The following ASCC3 variants were observed in gnomAD, a reference collection of about 807,000 sequenced individuals.
ASCC3 encodes the protein ASC-1 complex subunit P200.
A neutral mutation model predicts 256.3 loss-of-function variants in ASCC3; 158 were observed. The ratio of observed to expected loss-of-function variants is 0.62; its 90% confidence interval spans 0.54 to 0.70. The LOEUF (loss-of-function observed/expected upper bound fraction) is 0.70. Among genes scored for constraint, ASCC3 ranks in the 30% least tolerant of loss-of-function variants. ASCC3 has a pLI of 0.00. For synonymous variants in ASCC3, 948 were observed against 883.4 expected, an observed-to-expected ratio of 1.07 and a Z score of -1.30; for missense variants, 2,259 against 2,626.0, an observed-to-expected ratio of 0.86 and a Z score of 3.05.
chr6:100,568,547 GT>G (rs1025091729), intron 36 of ASCC3, among the ~76,000 whole-genome samples: 13 of 150,582 alleles, frequency 8.6e-5, no homozygotes, highest in Non-Finnish European at 8.9e-5. Flanking sequence ...GAGTTATTTC[GT>G]TTTTTTTGCT....
intron 8 of ASCC3, among the ~76,000 whole-genome samples, chr6:100,798,243 G>C (rs1205690460): frequency 1.3e-5 from 2 of 151,936 alleles, no homozygotes; most frequent in Admixed American, 1.3e-4. Flanking sequence ...GTGAATCCAA[G>C]CAAAGGATAT....
At chr6:100,584,501 C>G (rs1195637761) in intron 36 of ASCC3, among the ~76,000 whole-genome samples, 1 of 152,096 alleles carries the variant, frequency 6.6e-6, no homozygotes, top group Non-Finnish European at 1.5e-5. Context: ...AGATGGGTTT[C>G]CTGAACACAG....
intron 10 of ASCC3, among the ~76,000 whole-genome samples, chr6:100,758,032 T>C (rs1269217892): frequency 1.3e-5 from 2 of 152,046 alleles, no homozygotes; most frequent in African/African-American, 2.4e-5. Context: ...TGGGAACATG[T>C]GTAAAAAGAG....
chr6:100,822,246 A>C (rs75999472), intron 4 of ASCC3, among the ~76,000 whole-genome samples: 1 of 152,194 alleles, frequency 6.6e-6, no homozygotes, highest in East Asian at 1.9e-4. Flanking sequence ...TGTAACAAAC[A>C]AACAAAAATG....
At chr6:100,599,182 G>A (rs1174996076) in intron 34 of ASCC3, among the ~76,000 whole-genome samples, 2 of 152,110 alleles carry the variant, frequency 1.3e-5, no homozygotes, top group Non-Finnish European at 2.9e-5. Context: ...TCACATACAA[G>A]GTGATATTTT....
At chr6:100,554,001 T>C (rs1273403899) in intron 36 of ASCC3, among the ~76,000 whole-genome samples, 1 of 152,166 alleles carries the variant, frequency 6.6e-6, no homozygotes, top group Non-Finnish European at 1.5e-5. Flanking sequence ...TATGGCAAAA[T>C]CTGTACAGCT....
chr6:100,706,062 T>G (rs79595309), intron 13 of ASCC3, among the ~76,000 whole-genome samples: 2,211 of 151,912 alleles, frequency 0.015, 50 homozygotes, highest in African/African-American at 0.051. Context: ...TTTACCATAC[T>G]TACATGTATA....
At chr6:100,627,183 G>A (rs1292004174) in intron 29 of ASCC3, among the ~76,000 whole-genome samples, 1 of 151,980 alleles carries the variant, frequency 6.6e-6, no homozygotes, top group Non-Finnish European at 1.5e-5. Flanking sequence ...GTTAGAAGAG[G>A]AAAAACTAAA....
At chr6:100,653,023 A>AT (rs1775746350) in intron 17 of ASCC3, 134 bp from the exon 18 acceptor site, 9 of 792,932 alleles carry the variant, frequency 1.1e-5, no homozygotes, top group East Asian at 2.7e-5. Context: ...TTTAAAGTAC[A>AT]TTTTTCTACA....
intron 10 of ASCC3, among the ~76,000 whole-genome samples, chr6:100,747,553 C>A (rs900704189): frequency 6.6e-6 from 1 of 151,888 alleles, no homozygotes; most frequent in Admixed American, 6.6e-5. Flanking sequence ...TTAGCAGTAC[C>A]AAAAAAATGA....
At chr6:100,859,231 T>G (rs761097464) in intron 3 of ASCC3, 1 of 779,442 alleles carries the variant, frequency 1.3e-6, no homozygotes, top group Admixed American at 1.7e-5. Context: ...AATGCCAGGA[T>G]CACATTTTCT....
chr6:100,533,094 T>G lies in ASCC3; in HGVS notation c.5775+7069A>C, dbSNP rs1380038811. 5.3e-5 allele frequency among the ~76,000 whole-genome samples: 8 copies of G among 151,236 alleles called. No homozygotes were observed. The South Asian group carries it at 6.3e-4, about 12-fold the overall frequency. ...TTTTGAAATAAGATCCCATTAGCTG[T>G]TTTTTTTTGTTTTGTTTTTTTGTTT... On this transcript the variant is annotated intron_variant, in intron 37 of 41. Transcript: ENST00000369162.
chr6:100,748,625 C>A (rs957475305), intron 10 of ASCC3, among the ~76,000 whole-genome samples: 6 of 151,974 alleles, frequency 3.9e-5, no homozygotes, highest in African/African-American at 1.4e-4. Context: ...AAAAGCACCA[C>A]ATCTTTCACA....
At chr6:100,663,938 T>C (rs1179235187) in intron 14 of ASCC3, among the ~76,000 whole-genome samples, 2 of 152,112 alleles carry the variant, frequency 1.3e-5, no homozygotes, top group Non-Finnish European at 2.9e-5. Flanking sequence ...AAGGGGGGAC[T>C]ACTGTAATAA....
At chr6:100,812,845 C>A (rs962559516) in intron 4 of ASCC3, among the ~76,000 whole-genome samples, 1 of 151,698 alleles carries the variant, frequency 6.6e-6, no homozygotes, top group Non-Finnish European at 1.5e-5. Flanking sequence ...TGTGAGGAAT[C>A]CTTGAACCCA....
At chr6:100,660,658 C>G (rs1433059747) in intron 16 of ASCC3, among the ~76,000 whole-genome samples, 1 of 151,632 alleles carries the variant, frequency 6.6e-6, no homozygotes, top group Non-Finnish European at 1.5e-5. Context: ...GCAGTGAATA[C>G]TCTCCAACAC....
rs201404914 is a variant in ASCC3 at position 100,606,760 on chromosome 6, T to A, written c.5024A>T (p.Tyr1675Phe). The A allele has an allele frequency of 6.2e-7, 1 of 1,604,808 alleles. No homozygotes were observed. The change falls in exon 32 of 42, where the codon TAT (tyrosine) becomes TTT (phenylalanine). Residue 1675 changes from tyrosine to phenylalanine, a missense_variant. Tyr to Phe is a conservative substitution (Grantham distance 22). Transcript: ENST00000369162. ...ATTACCTGTAATGGGAAAATCCACA[T>A]AACGTCTTGTTTTTCCATCATAGTA... ...TEYYDGKTRRYVDFPITDVLQ... is the reference protein window; with the variant it reads ...TEYYDGKTRRFVDFPITDVLQ...
intron 20 of ASCC3, among the ~76,000 whole-genome samples, 185 bp downstream of exon 20, chr6:100,650,353 C>G (rs1457745096): frequency 6.6e-6 from 1 of 151,598 alleles, no homozygotes; most frequent in Non-Finnish European, 1.5e-5. Flanking sequence ...AAATCTCATC[C>G]CCAGTCCTGT....
chr6:100,509,119 C>T lies in ASCC3; in HGVS notation c.*267G>A. Reference sequence around the variant, plus strand: ...TCCTAAATATCATCCCAAATATACACAAATTAAAAGATTATTCTAAATGCT... The same window carrying T: ...TCCTAAATATCATCCCAAATATACATAAATTAAAAGATTATTCTAAATGCT... On this transcript the variant is annotated 3_prime_UTR_variant, in exon 42 of 42. Transcript: ENST00000369162. 2 of 441,718 alleles carry T rather than the reference C, an allele frequency of 4.5e-6. No individual in the cohort carries two copies. Among genetic ancestry groups the T allele is most frequent in the Non-Finnish European group, 8.3e-6 (2 of 239,754 alleles). The allele number at this position is 441,718 out of a possible 1,614,324, so 27.4% of individuals were successfully genotyped here.
Sources: allele counts gnomAD v4.1 joint callset (sites outside exome capture counted in the v4.1 genomes callset), GRCh38; gene constraint gnomAD v4.1.1; transcripts MANE v1.5; gene names NCBI Gene and HGNC (gene_info 2026-07-23, HGNC 2026-07-21).